FUT8: variants seen among roughly 807,000 people sequenced by gnomAD.
FUT8 encodes fucosyltransferase 8, also known as alpha-(1,6)-fucosyltransferase.
Under a neutral mutation model 71.3 loss-of-function variants are expected in FUT8, and 29 were observed. The observed-to-expected ratio is 0.41, with a 90% CI of 0.30 to 0.55. The LOEUF is 0.55. FUT8 is among the 20% of genes least tolerant of loss of function. The pLI is 0.34. For missense variants in FUT8, 544 were observed against 702.1 expected (o/e 0.77, Z 2.55); for synonymous variants, 254 against 239.3 (o/e 1.06, Z -0.57).
At position 65,660,798 on chromosome 14, in the gene FUT8, A is replaced by G. The variant is rs1891922391; in HGVS notation, c.598-8445A>G. On this transcript the variant is annotated intron_variant, in intron 6 of 10. Coordinates refer to ENST00000673929, the MANE Select transcript of FUT8 (RefSeq NM_001371533.1). The surrounding 1 kb of genome is among the most constrained non-coding windows in gnomAD (Gnocchi z 4.1). Reference sequence around the variant, plus strand: ...TTGCCTCTTTCATGGTTATTAACTGAGTCTTCATTTTAATTACCACAATGG... The same window carrying G: ...TTGCCTCTTTCATGGTTATTAACTGGGTCTTCATTTTAATTACCACAATGG... Among the ~76,000 whole-genome samples the G allele has an allele frequency of 6.6e-6, 1 of 152,288 alleles. No individual in the cohort carries two copies.
At chr14:65,663,174 G>C (rs908095953) in intron 6 of FUT8, among the ~76,000 whole-genome samples, 24 of 152,068 alleles carry the variant, frequency 1.6e-4, no homozygotes, top group African/African-American at 5.1e-4. Context: ...AGTGGTAACT[G>C]ACAAGAGCTA....
chr14:65,401,521 G>C, the FUT8 span, among the ~76,000 whole-genome samples: 2 of 152,198 alleles, frequency 1.3e-5, no homozygotes, highest in South Asian at 4.1e-4. Flanking sequence ...GAATTTGCAA[G>C]TTAAGATAGT....
chr14:65,503,253 A>C (rs1024172448), intron 2 of FUT8, among the ~76,000 whole-genome samples: 1 of 152,212 alleles, frequency 6.6e-6, no homozygotes, highest in Admixed American at 6.5e-5. Flanking sequence ...AATTGTGTAC[A>C]TATTTAAGGG....
At position 65,603,415 on chromosome 14, in the gene FUT8, C is replaced by T. The variant is rs1252778181; in HGVS notation, c.204-12563C>T. ...TGGTTTGAAATCAGGTAGTGTGATG[C>T]CTCCAGATTTGTTCTTTTTGCTCAG... On this transcript the variant is annotated intron_variant, in intron 3 of 10. Transcript: ENST00000673929. The surrounding 1 kb of genome is among the most constrained non-coding windows in gnomAD (Gnocchi z 4.5). Among the ~76,000 whole-genome samples, 2 of 151,558 alleles carry T rather than the reference C, an allele frequency of 1.3e-5. No individual in the cohort carries two copies. Among genetic ancestry groups the T allele is most frequent in the Admixed American group, 1.3e-4 (2 of 15,166 alleles).
rs2066554858 is a variant in FUT8 at position 65,496,112 on chromosome 14, C to T, written c.-228+40394C>T. ...TATATTTTGAGGGGAGGAAATAAGT[C>T]TCTTAGTTGGCCCCCTTGAGGCTGC... On this transcript the variant is annotated intron_variant, in intron 2 of 10. Coordinates refer to ENST00000673929, the MANE Select transcript of FUT8 (RefSeq NM_001371533.1). Among the ~76,000 whole-genome samples, 5 of 152,000 alleles carry T rather than the reference C, an allele frequency of 3.3e-5. No homozygotes were observed. The South Asian group carries it at 8.3e-4, about 25-fold the overall frequency.
At chr14:65,493,233 A>G (rs1195054193) in intron 2 of FUT8, among the ~76,000 whole-genome samples, 2 of 152,172 alleles carry the variant, frequency 1.3e-5, no homozygotes, top group African/African-American at 2.4e-5. Context: ...CTGTGAAGAT[A>G]CTTTTTACAG....
chr14:65,379,375 G>GA, the FUT8 span, among the ~76,000 whole-genome samples: 3 of 151,690 alleles, frequency 2.0e-5, no homozygotes, highest in East Asian at 5.8e-4. Context: ...ACTAAAAATA[G>GA]AAAAAACTAG....
At chr14:65,692,324 A>ACCTC (rs757104007) in intron 7 of FUT8, among the ~76,000 whole-genome samples, 1 of 142,994 alleles carries the variant, frequency 7.0e-6, no homozygotes, top group African/African-American at 2.7e-5. Context: ...GGCGCCCCTC[A>ACCTC]CCTCCCAGAC....
At chr14:65,371,125 C>T in the FUT8 span, among the ~76,000 whole-genome samples, 1 of 152,084 alleles carries the variant, frequency 6.6e-6, no homozygotes, top group Non-Finnish European at 1.5e-5. Context: ...GGGCAGAGAG[C>T]TTTTTTCCAT....
the FUT8 span, among the ~76,000 whole-genome samples, chr14:65,390,805 C>A: frequency 1.3e-5 from 2 of 149,514 alleles, no homozygotes; most frequent in African/African-American, 4.9e-5. Flanking sequence ...CTCACAGCAA[C>A]CTCCGCCTTC....
intron 3 of FUT8, among the ~76,000 whole-genome samples, chr14:65,591,837 A>G (rs1268275149): frequency 1.4e-5 from 2 of 146,718 alleles, no homozygotes; most frequent in East Asian, 1.9e-4. Context: ...GCATTGAAGC[A>G]GGCTTTTTTT....
intron 1 of FUT8, among the ~76,000 whole-genome samples, chr14:65,438,916 A>T (rs1185755552): frequency 1.3e-5 from 2 of 152,206 alleles, no homozygotes; most frequent in Non-Finnish European, 2.9e-5. Flanking sequence ...AAGAAACTTT[A>T]ACAGGAATAT....
intron 2 of FUT8, among the ~76,000 whole-genome samples, chr14:65,532,866 C>T (rs914720124): frequency 1.3e-5 from 2 of 152,172 alleles, no homozygotes; most frequent in East Asian, 3.8e-4. Flanking sequence ...AGCCGGTTAT[C>T]CCAGCATCAT....
intron 6 of FUT8, among the ~76,000 whole-genome samples, chr14:65,641,666 C>T (rs1217000531): frequency 6.6e-6 from 1 of 151,362 alleles, no homozygotes; most frequent in Non-Finnish European, 1.5e-5. Flanking sequence ...TATACCCTAA[C>T]TAACACTTTG....
chr14:65,631,641 ATT>A (rs11330042), intron 6 of FUT8, among the ~76,000 whole-genome samples: 1 of 150,360 alleles, frequency 6.7e-6, no homozygotes. Context: ...GGAAAAGGTG[ATT>A]TTTTTTTTTA....
At chr14:65,658,240 G>A (rs1245092490) in intron 6 of FUT8, among the ~76,000 whole-genome samples, 1 of 152,072 alleles carries the variant, frequency 6.6e-6, no homozygotes, top group Non-Finnish European at 1.5e-5. Context: ...TTAGGGAAAT[G>A]CAAAAGACAT....
intron 9 of FUT8, among the ~76,000 whole-genome samples, chr14:65,732,978 G>A (rs1190713205): frequency 6.6e-6 from 1 of 152,184 alleles, no homozygotes; most frequent in Non-Finnish European, 1.5e-5. Context: ...GCTATTTCAT[G>A]AATTGATAAA....
intron 1 of FUT8, among the ~76,000 whole-genome samples, chr14:65,448,757 G>C (rs2065779768): frequency 6.6e-6 from 1 of 152,178 alleles, no homozygotes; most frequent in African/African-American, 2.4e-5. Flanking sequence ...AATTTAGAAA[G>C]AGTGATGGTA....
At chr14:65,484,097 G>A (rs1040450531) in intron 2 of FUT8, among the ~76,000 whole-genome samples, 1 of 152,118 alleles carries the variant, frequency 6.6e-6, no homozygotes, top group Non-Finnish European at 1.5e-5. Flanking sequence ...TAGTGGCATT[G>A]TATCCTGAAA....
Sources: gnomAD v4.1 joint callset for allele counts (sites outside exome capture counted in the v4.1 genomes callset) on GRCh38, gnomAD v4.1.1 for gene constraint, Gnocchi (gnomAD v3.1) non-coding constraint, MANE v1.5 for transcripts, NCBI Gene and HGNC (gene_info 2026-07-23, HGNC 2026-07-21) for gene names.